PAPSS1: variants seen among roughly 807,000 people sequenced by gnomAD.
The protein encoded by PAPSS1 is 3'-phosphoadenosine 5'-phosphosulfate synthase 1.
Under a neutral mutation model 72.0 loss-of-function variants are expected in PAPSS1, and 50 were observed. That is an observed-to-expected ratio of 0.69 (90% confidence interval 0.55 to 0.88). PAPSS1 has a LOEUF of 0.88. PAPSS1 is among the 40% of genes least tolerant of loss of function. The probability of loss-of-function intolerance (pLI) is 0.00; values close to 1 mark genes in which losing one functional copy is unlikely to be tolerated. For missense variants in PAPSS1, 657 were observed against 782.2 expected (o/e 0.84, Z 1.91); for synonymous variants, 261 against 263.6 (o/e 0.99, Z 0.09).
intron 5 of PAPSS1, among the ~76,000 whole-genome samples, chr4:107,673,700 C>T (rs914845657): frequency 7.6e-4 from 116 of 152,024 alleles, no homozygotes; most frequent in Non-Finnish European, 1.8e-4. Flanking sequence ...CAGAGAACAC[C>T]ACCAAGATAC....
Position 107,720,158 on chromosome 4 carries a change from A to G in PAPSS1, c.22T>C (p.Cys8Arg). 2 of 1,606,114 alleles carry G rather than the reference A, an allele frequency of 1.2e-6. No individual in the cohort carries two copies. The highest frequency in any genetic ancestry group is 1.7e-6 in the Non-Finnish European group (2 of 1,176,674). The change falls in exon 1 of 12, where the codon TGC (cysteine) becomes CGC (arginine). Residue 8 changes from cysteine (C) to arginine (R), a missense_variant. Physicochemically the swap from Cys to Arg is radical, Grantham distance 180. Transcript: ENST00000265174. MEIPGSL[C>R]KKVKLSNNAQ... ...TTATTGCTCAGTTTGACTTTCTTGC[A>G]CAGGCTCCCGGGGATCTCCATGACC...
At chr4:107,655,958 G>A (rs1403323639) in intron 7 of PAPSS1, among the ~76,000 whole-genome samples, 1 of 152,134 alleles carries the variant, frequency 6.6e-6, no homozygotes, top group Non-Finnish European at 1.5e-5. Flanking sequence ...GTTAAAATAA[G>A]TCACAAAACA....
chr4:107,692,914 T>C (rs907258332), intron 3 of PAPSS1, among the ~76,000 whole-genome samples: 1 of 151,954 alleles, frequency 6.6e-6, no homozygotes, highest in Non-Finnish European at 1.5e-5. Context: ...TCAAACACTA[T>C]ATGTTCTCAC....
At chr4:107,632,683 C>T (rs547927130) in intron 10 of PAPSS1, among the ~76,000 whole-genome samples, 1 of 152,082 alleles carries the variant, frequency 6.6e-6, no homozygotes, top group African/African-American at 2.4e-5. Context: ...ATCTCTAGTT[C>T]AACATTCTCC....
intron 4 of PAPSS1, among the ~76,000 whole-genome samples, chr4:107,685,227 C>G (rs559118263): frequency 2.0e-5 from 3 of 152,298 alleles, no homozygotes; most frequent in South Asian, 2.1e-4. Context: ...TCTCATCCAT[C>G]CAACAAGCAT....
chr4:107,691,507 T>C (rs1722916730), intron 3 of PAPSS1, among the ~76,000 whole-genome samples: 1 of 152,164 alleles, frequency 6.6e-6, no homozygotes, highest in South Asian at 2.1e-4. Flanking sequence ...CAAGGGAGTA[T>C]GCTATTGTTC....
Position 107,674,411 on chromosome 4 carries a change from C to A in PAPSS1, c.669+7604G>T, listed in dbSNP as rs563799130. Among the ~76,000 whole-genome samples the A allele has an allele frequency of 1.1e-4, 16 of 152,246 alleles. No homozygotes were observed. The East Asian group carries it at 1.5e-3, about 15-fold the overall frequency. ...GTCTCTGATAAAACAGACTTGAAAACAACAAAGATCAAAAGAGACAAAGAA... is the reference window on the plus strand; with the variant it reads ...GTCTCTGATAAAACAGACTTGAAAAAAACAAAGATCAAAAGAGACAAAGAA... On this transcript the variant is annotated intron_variant, in intron 5 of 11. Coordinates refer to ENST00000265174, the MANE Select transcript of PAPSS1 (RefSeq NM_005443.5).
rs796843921 is a variant in PAPSS1 at position 107,660,480 on chromosome 4, C to T, written c.670-408G>A. Among the ~76,000 whole-genome samples the T allele has an allele frequency of 3.3e-5, 5 of 152,246 alleles. 1 individual carries two copies. Among genetic ancestry groups the T allele is most frequent in the African/African-American group, 1.2e-4 (5 of 41,562 alleles). On this transcript the variant is annotated intron_variant, in intron 5 of 11. Transcript: ENST00000265174. The stretch of plus-strand genomic sequence containing the variant: ...GCTTTTATATATACCTTTATCACCA[C>T]TGTCAGGAAAGCCACCTTTTACCCA...
chr4:107,639,263 A>G (rs1354433157), intron 10 of PAPSS1, among the ~76,000 whole-genome samples: 5 of 152,216 alleles, frequency 3.3e-5, no homozygotes, highest in African/African-American at 1.2e-4. Flanking sequence ...CAAGACATAT[A>G]TAAGCTAAAA....
chr4:107,661,455 G>A (rs1310299259), intron 5 of PAPSS1, among the ~76,000 whole-genome samples: 3 of 152,134 alleles, frequency 2.0e-5, no homozygotes, highest in Non-Finnish European at 2.9e-5. Context: ...GTCTTTAGTA[G>A]GTGAATAAAC....
intron 1 of PAPSS1, among the ~76,000 whole-genome samples, chr4:107,718,091 T>C (rs1217407615): frequency 6.6e-6 from 1 of 152,234 alleles, no homozygotes; most frequent in Non-Finnish European, 1.5e-5. Context: ...CGGAACATTC[T>C]TCCTGGATTA....
chr4:107,704,963 G>GA, intron 1 of PAPSS1, among the ~76,000 whole-genome samples: 1 of 138,656 alleles, frequency 7.2e-6, no homozygotes, highest in South Asian at 2.4e-4. Flanking sequence ...AAAAAAAAAA[G>GA]AAAAAATTGC....
intron 1 of PAPSS1, among the ~76,000 whole-genome samples, chr4:107,702,405 T>C (rs1424766046): frequency 3.3e-5 from 5 of 152,200 alleles, no homozygotes; most frequent in Non-Finnish European, 7.4e-5. Flanking sequence ...AATACATTGT[T>C]ATTATCATCA....
At chr4:107,708,907 T>G (rs1396490456) in intron 1 of PAPSS1, among the ~76,000 whole-genome samples, 1 of 152,260 alleles carries the variant, frequency 6.6e-6, no homozygotes, top group African/African-American at 2.4e-5. Context: ...CTTGTGCCAA[T>G]GACTGAGTTT....
At chr4:107,706,112 T>C (rs1033180539) in intron 1 of PAPSS1, among the ~76,000 whole-genome samples, 1 of 152,202 alleles carries the variant, frequency 6.6e-6, no homozygotes, top group Non-Finnish European at 1.5e-5. Flanking sequence ...AGTTTAACTA[T>C]ATGTCTTGAG....
At chr4:107,640,867 T>C (rs754202609) in intron 10 of PAPSS1, among the ~76,000 whole-genome samples, 5 of 152,180 alleles carry the variant, frequency 3.3e-5, no homozygotes, top group Admixed American at 2.0e-4. Flanking sequence ...CAGACAGAGA[T>C]GTAGAGGCAG....
chr4:107,699,845 C>T (rs1449253401), intron 2 of PAPSS1, among the ~76,000 whole-genome samples: 4 of 152,130 alleles, frequency 2.6e-5, no homozygotes, highest in African/African-American at 9.7e-5. Flanking sequence ...GGTAGTCATT[C>T]TCAAACATAA....
At chr4:107,670,456 T>C (rs888588005) in intron 5 of PAPSS1, among the ~76,000 whole-genome samples, 4 of 152,146 alleles carry the variant, frequency 2.6e-5, no homozygotes, top group Non-Finnish European at 5.9e-5. Context: ...AATAAGAAAA[T>C]ATGCAGCATG....
chr4:107,720,081 C>A, intron 1 of PAPSS1, 39 bp downstream of exon 1: 1 of 1,592,630 alleles, frequency 6.3e-7, no homozygotes, highest in South Asian at 1.1e-5. Flanking sequence ...TCCCACAGCC[C>A]CTCCGCTCCT....
Sources: allele counts gnomAD v4.1 joint callset (sites outside exome capture counted in the v4.1 genomes callset), GRCh38; gene constraint gnomAD v4.1.1; transcripts MANE v1.5; gene names NCBI Gene and HGNC (gene_info 2026-07-23, HGNC 2026-07-21).